The following MEI4 variants were observed in gnomAD, a reference collection of about 807,000 sequenced individuals.
The protein encoded by MEI4 is meiotic double-stranded break formation protein 4.
MEI4 carries 27 observed loss-of-function variants against 31.4 expected under a neutral mutation model. The observed-to-expected ratio is 0.86, with a 90% CI of 0.63 to 1.19. The LOEUF (loss-of-function observed/expected upper bound fraction) is 1.19. MEI4 is among the 50% of genes most tolerant of loss of function. The probability of loss-of-function intolerance (pLI) is 0.00; values close to 1 mark genes in which losing one functional copy is unlikely to be tolerated. For synonymous variants in MEI4, 122 were observed against 145.4 expected, an observed-to-expected ratio of 0.84 and a Z score of 1.16; for missense variants, 329 against 398.9, an observed-to-expected ratio of 0.82 and a Z score of 1.49.
chr6:77,788,717 A>G (rs1238150486), intron 3 of MEI4, among the ~76,000 whole-genome samples: 1 of 152,214 alleles, frequency 6.6e-6, no homozygotes, highest in Non-Finnish European at 1.5e-5. Flanking sequence ...GACCTCTTCA[A>G]GGAGAACTAC....
intron 3 of MEI4, among the ~76,000 whole-genome samples, chr6:77,784,714 G>C (rs968288196): frequency 1.3e-5 from 2 of 152,134 alleles, no homozygotes; most frequent in African/African-American, 4.8e-5. Flanking sequence ...GCTGAGCAGT[G>C]TTAAATGTAA....
intron 4 of MEI4, among the ~76,000 whole-genome samples, chr6:77,922,227 A>G (rs111988072): frequency 0.011 from 1,640 of 151,772 alleles, 34 homozygotes; most frequent in African/African-American, 0.038. Flanking sequence ...AAATGTTCCC[A>G]AAGGAGTTTT....
intron 2 of MEI4, among the ~76,000 whole-genome samples, chr6:77,726,794 A>C (rs778958926): frequency 6.6e-6 from 1 of 150,698 alleles, no homozygotes; most frequent in Admixed American, 6.7e-5. Flanking sequence ...GCTAAAGGGT[A>C]AAGATTTCAG....
chr6:77,734,012 T>A (rs893351496), intron 2 of MEI4, among the ~76,000 whole-genome samples: 4 of 152,092 alleles, frequency 2.6e-5, no homozygotes, highest in African/African-American at 9.7e-5. Context: ...ATAATTTCTT[T>A]TCTTTTACAC....
chr6:77,881,743 G>T (rs1200666969), intron 4 of MEI4, among the ~76,000 whole-genome samples: 2 of 152,204 alleles, frequency 1.3e-5, no homozygotes, highest in Non-Finnish European at 1.5e-5. Flanking sequence ...AAAAGTGAAA[G>T]TGTCTTAGAC....
intron 3 of MEI4, among the ~76,000 whole-genome samples, chr6:77,804,637 T>A (rs1242191935): frequency 6.6e-6 from 1 of 152,206 alleles, no homozygotes; most frequent in Non-Finnish European, 1.5e-5. Flanking sequence ...GCTTTATTAG[T>A]AGTTCACATC....
At chr6:77,748,445 T>C (rs1046735366) in intron 2 of MEI4, among the ~76,000 whole-genome samples, 7 of 152,194 alleles carry the variant, frequency 4.6e-5, no homozygotes, top group Admixed American at 2.0e-4. Context: ...GTGGCCCCTT[T>C]CAGCTACAAC....
chr6:77,876,168 A>G (rs1035212326), intron 4 of MEI4, among the ~76,000 whole-genome samples: 4 of 152,174 alleles, frequency 2.6e-5, no homozygotes, highest in Non-Finnish European at 2.9e-5. Context: ...TTTCATATCT[A>G]TATGAAAACG....
intron 2 of MEI4, among the ~76,000 whole-genome samples, chr6:77,742,190 C>T (rs567026715): frequency 2.4e-4 from 37 of 152,050 alleles, no homozygotes; most frequent in African/African-American, 5.8e-4. Flanking sequence ...CCTGAGGAAT[C>T]GCCACACTGA....
At chr6:77,679,015 G>A (rs1768901208) in intron 1 of MEI4, among the ~76,000 whole-genome samples, 1 of 151,930 alleles carries the variant, frequency 6.6e-6, no homozygotes, top group Admixed American at 6.6e-5. Context: ...AAAATGTATT[G>A]GATATGGCTA....
chr6:77,822,191 G>A (rs951992414), intron 3 of MEI4, among the ~76,000 whole-genome samples: 4 of 152,134 alleles, frequency 2.6e-5, no homozygotes, highest in African/African-American at 9.7e-5. Flanking sequence ...CTGGAAATAA[G>A]GCAAAGGTTG....
chr6:77,758,638 T>C (rs964437446), intron 2 of MEI4, among the ~76,000 whole-genome samples: 1 of 152,220 alleles, frequency 6.6e-6, no homozygotes, highest in African/African-American at 2.4e-5. Flanking sequence ...TTTCATTCTT[T>C]TTCCTTCGGC....
intron 2 of MEI4, among the ~76,000 whole-genome samples, chr6:77,743,718 C>G (rs1582090715): frequency 6.6e-6 from 1 of 152,314 alleles, no homozygotes; most frequent in South Asian, 2.1e-4. Flanking sequence ...GAGGCACCCC[C>G]CAGTAGGGGC....
At chr6:77,808,210 T>G (rs1769488186) in intron 3 of MEI4, among the ~76,000 whole-genome samples, 1 of 152,178 alleles carries the variant, frequency 6.6e-6, no homozygotes, top group Non-Finnish European at 1.5e-5. Context: ...TTCAGCCTAC[T>G]TTTAGATCAT....
intron 2 of MEI4, among the ~76,000 whole-genome samples, chr6:77,732,289 C>A (rs1291338338): frequency 6.6e-6 from 1 of 151,970 alleles, no homozygotes; most frequent in Non-Finnish European, 1.5e-5. Context: ...TTGTTTTTAT[C>A]CTCTTTTATT....
intron 4 of MEI4, among the ~76,000 whole-genome samples, chr6:77,917,236 T>C (rs1239107217): frequency 2.0e-5 from 3 of 151,860 alleles, no homozygotes; most frequent in Non-Finnish European, 2.9e-5. Flanking sequence ...TACATACGTG[T>C]GCATGTGTCT....
intron 1 of MEI4, among the ~76,000 whole-genome samples, chr6:77,671,971 G>T (rs143180572): frequency 6.6e-6 from 1 of 152,168 alleles, no homozygotes; most frequent in Admixed American, 6.5e-5. Context: ...ATTACTGGGC[G>T]TGTAGGGAGT....
intron 1 of MEI4, among the ~76,000 whole-genome samples, chr6:77,657,679 T>C (rs978881040): frequency 5.3e-5 from 8 of 152,164 alleles, no homozygotes; most frequent in East Asian, 1.9e-4. Context: ...CCCCTCTGAC[T>C]GACTTTCAAG....
intron 4 of MEI4, among the ~76,000 whole-genome samples, chr6:77,869,608 C>G (rs1031309427): frequency 6.6e-6 from 1 of 152,054 alleles, no homozygotes; most frequent in Non-Finnish European, 1.5e-5. Flanking sequence ...CTTCCAGTCT[C>G]TAGAACTGTG....
Sources: allele counts gnomAD v4.1 joint callset (sites outside exome capture counted in the v4.1 genomes callset), GRCh38; gene constraint gnomAD v4.1.1; transcripts MANE v1.5; gene names NCBI Gene and HGNC (gene_info 2026-07-23, HGNC 2026-07-21).